The following LTBP1 variants were observed in gnomAD, a reference collection of about 807,000 sequenced individuals.
LTBP1 encodes the protein latent-transforming growth factor beta-binding protein 1.
A neutral mutation model predicts 207.6 loss-of-function variants in LTBP1; 129 were observed. The ratio of observed to expected loss-of-function variants is 0.62; its 90% CI spans 0.54 to 0.72. The LOEUF (loss-of-function observed/expected upper bound fraction) is 0.72, where lower values mean the gene tolerates loss of function less well. Among genes scored for constraint, LTBP1 ranks in the 30% least tolerant of loss-of-function variants. The pLI, the probability that LTBP1 is intolerant of heterozygous loss-of-function variation, is 0.00. For synonymous variants in LTBP1, 963 were observed against 833.7 expected, an observed-to-expected ratio of 1.16 and a Z score of -2.67; for missense variants, 2,281 against 2,217.2, an observed-to-expected ratio of 1.03 and a Z score of -0.58.
At chr2:32,975,322 G>A (rs942661529) in intron 2 of LTBP1, among the ~76,000 whole-genome samples, 1 of 152,000 alleles carries the variant, frequency 6.6e-6, no homozygotes, top group African/African-American at 2.4e-5. Flanking sequence ...TTTATTTTAT[G>A]TTGATCTGGG....
At chr2:33,049,938 C>T (rs1664618523) in intron 3 of LTBP1, among the ~76,000 whole-genome samples, 1 of 151,564 alleles carries the variant, frequency 6.6e-6, no homozygotes. Context: ...GACTCCTGGG[C>T]TCAAGCGATC....
chr2:33,218,483 G>A (rs562727160), intron 8 of LTBP1, among the ~76,000 whole-genome samples: 19 of 152,184 alleles, frequency 1.2e-4, no homozygotes, highest in East Asian at 7.7e-4. Context: ...TGCAGCCTCC[G>A]CCTCTTGGGT....
chr2:33,140,592 A>G (rs542106281), intron 5 of LTBP1, among the ~76,000 whole-genome samples: 1 of 151,882 alleles, frequency 6.6e-6, no homozygotes, highest in African/African-American at 2.4e-5. Flanking sequence ...ATATCAAAGA[A>G]TTTTATTTTC....
At chr2:33,222,626 A>C (rs997619846) in intron 9 of LTBP1, among the ~76,000 whole-genome samples, 1 of 152,198 alleles carries the variant, frequency 6.6e-6, no homozygotes, top group Non-Finnish European at 1.5e-5. Flanking sequence ...GCAATAAGAA[A>C]AGCTATGTAG....
chr2:33,234,298 G>C (rs1205244536), intron 9 of LTBP1, among the ~76,000 whole-genome samples: 2 of 152,070 alleles, frequency 1.3e-5, no homozygotes, highest in African/African-American at 4.8e-5. Context: ...GAGTTGCTAT[G>C]TTTATTTCTT....
chr2:33,167,083 A>G (rs1215930394), intron 5 of LTBP1, among the ~76,000 whole-genome samples: 1 of 152,192 alleles, frequency 6.6e-6, no homozygotes, highest in Non-Finnish European at 1.5e-5. Flanking sequence ...ACTAAGAGTC[A>G]GTTCTTTTGT....
At position 32,947,827 on chromosome 2, in the gene LTBP1, A is replaced by C; in HGVS notation, c.494+9A>C. ...AAGCAGCAGCTGCAGGGGTAAGCCCACACCCCCTTCCGCCCGCCCGCCCGC... is the reference window on the plus strand; with the variant it reads ...AAGCAGCAGCTGCAGGGGTAAGCCCCCACCCCCTTCCGCCCGCCCGCCCGC... On this transcript the variant is annotated intron_variant, in intron 1 of 33. Transcript: ENST00000404816. 7.5e-7 allele frequency: 1 copy of C among 1,327,248 alleles called. No individual in the cohort carries two copies. Among genetic ancestry groups the C allele is most frequent in the South Asian group, 2.3e-5 (1 of 42,712 alleles). The allele number at this position is 1,327,248 out of a possible 1,614,324, so 82.2% of individuals were successfully genotyped here.
intron 2 of LTBP1, among the ~76,000 whole-genome samples, chr2:33,011,100 T>C (rs1021794272): frequency 2.0e-5 from 3 of 152,156 alleles, no homozygotes; most frequent in African/African-American, 7.2e-5. Context: ...GTGGACATAT[T>C]TGCATACAAA....
intron 2 of LTBP1, among the ~76,000 whole-genome samples, chr2:33,016,406 T>A (rs1650253318): frequency 6.6e-6 from 1 of 152,162 alleles, no homozygotes; most frequent in Non-Finnish European, 1.5e-5. Flanking sequence ...CTGGATTAGG[T>A]TTTTGTTCCT....
At chr2:33,021,879 A>T (rs1375729997) in intron 3 of LTBP1, among the ~76,000 whole-genome samples, 2 of 152,178 alleles carry the variant, frequency 1.3e-5, no homozygotes, top group African/African-American at 4.8e-5. Context: ...TCTGAGTTGC[A>T]TTACAAGCAG....
chr2:33,312,279 G>A (rs77097944), intron 23 of LTBP1, among the ~76,000 whole-genome samples: 1 of 152,148 alleles, frequency 6.6e-6, no homozygotes, highest in African/African-American at 2.4e-5. Context: ...GTGTGTGATA[G>A]GCATAAACTT....
intron 3 of LTBP1, among the ~76,000 whole-genome samples, chr2:33,047,441 A>G (rs1298082617): frequency 6.6e-6 from 1 of 152,110 alleles, no homozygotes; most frequent in African/African-American, 2.4e-5. Context: ...GAGTTTCTTA[A>G]TCCTGAGTTC....
intron 3 of LTBP1, among the ~76,000 whole-genome samples, chr2:33,083,291 A>G (rs1400340736): frequency 5.3e-5 from 8 of 151,950 alleles, no homozygotes; most frequent in Non-Finnish European, 8.8e-5. Context: ...ACCTGTTCCT[A>G]TCTTGATTGA....
At chr2:32,978,822 T>C (rs1682269312) in intron 2 of LTBP1, among the ~76,000 whole-genome samples, 1 of 152,068 alleles carries the variant, frequency 6.6e-6, no homozygotes, top group Non-Finnish European at 1.5e-5. Context: ...AATTCAGCAG[T>C]GAAGCCACTG....
intron 5 of LTBP1, among the ~76,000 whole-genome samples, chr2:33,144,622 G>A (rs2082875721): frequency 1.3e-5 from 2 of 152,206 alleles, no homozygotes; most frequent in Non-Finnish European, 2.9e-5. Context: ...GCTGTTGGTT[G>A]TGTAACTTAC....
At chr2:32,985,497 C>G (rs1683415389) in intron 2 of LTBP1, among the ~76,000 whole-genome samples, 1 of 152,140 alleles carries the variant, frequency 6.6e-6, no homozygotes, top group Admixed American at 6.5e-5. Flanking sequence ...AGTGCTTGCC[C>G]TAGTTTAGAG....
chr2:33,343,311 C>T (rs574968446), intron 25 of LTBP1, among the ~76,000 whole-genome samples: 8 of 149,590 alleles, frequency 5.3e-5, no homozygotes, highest in Admixed American at 4.0e-4. Flanking sequence ...CTTGGGAGGC[C>T]GAGGTGGGAG....
At chr2:33,077,422 C>T (rs561738602) in intron 3 of LTBP1, among the ~76,000 whole-genome samples, 12 of 152,276 alleles carry the variant, frequency 7.9e-5, no homozygotes, top group South Asian at 4.2e-4. Context: ...ACAGGAAGCA[C>T]GGCAGCATCT....
chr2:33,110,832 A>G lies in LTBP1; in HGVS notation c.1033+81A>G, dbSNP rs897304579. The G allele has an allele frequency of 8.7e-6, 11 of 1,265,612 alleles. No individual in the cohort carries two copies. In the East Asian group the frequency reaches 2.2e-4, roughly 26 times the overall value. The allele number at this position is 1,265,612 out of a possible 1,614,324, so 78.4% of individuals were successfully genotyped here. ...ACTTTGTTCAGTGTAGACGGCTTTA[A>G]TGTGTCACAGTAAATAAAATTCAAG... On this transcript the variant is annotated intron_variant, in intron 4 of 33. Coordinates refer to ENST00000404816, the MANE Select transcript of LTBP1 (RefSeq NM_206943.4).
Sources: allele counts gnomAD v4.1 joint callset (sites outside exome capture counted in the v4.1 genomes callset), GRCh38; gene constraint gnomAD v4.1.1; transcripts MANE v1.5; gene names NCBI Gene and HGNC (gene_info 2026-07-23, HGNC 2026-07-21).